Variants in LRRIQ1 observed in about 807,000 individuals in gnomAD.
The protein encoded by LRRIQ1 is leucine rich repeats and IQ motif containing 1.
LRRIQ1 carries 210 observed loss-of-function variants against 211.9 expected under a neutral mutation model. That is an observed-to-expected ratio of 0.99 (90% CI 0.89 to 1.11). LRRIQ1 has a LOEUF of 1.11. Ranked by LOEUF, LRRIQ1 falls within the 50% of genes most tolerant of loss-of-function variation. The probability of loss-of-function intolerance (pLI) is 0.00; values close to 1 mark genes in which losing one functional copy is unlikely to be tolerated. For missense variants in LRRIQ1, 2,136 were observed against 1,939.5 expected (o/e 1.10, Z -1.90); for synonymous variants, 699 against 650.1 (o/e 1.08, Z -1.14).
rs1565928930 is a variant in LRRIQ1, at chr12:85,250,924, A to ATTATATATAATATATT, written c.121+6023_121+6024insAATATATTTTATATAT. On this transcript the variant is annotated intron_variant, in intron 1 of 1. Coordinates refer to the LRRIQ1 transcript ENST00000602731. ...ATATTATATATAATATATTTTATAT[A>ATTATATATAATATATT]TTATATATTATATATAATATATTTT... Among the ~76,000 whole-genome samples the ATTATATATAATATATT allele has an allele frequency of 2.4e-3, 191 of 79,626 alleles. 4 individuals carry two copies. The highest frequency in any genetic ancestry group is 0.011 in the African/African-American group (110 of 9,926). 52.2% of individuals were successfully genotyped at this position (79,626 alleles called of 152,430 possible). A position where few individuals can be genotyped will look rare whatever the true frequency, so the allele number is the denominator to read the frequency against.
intron 26 of LRRIQ1, among the ~76,000 whole-genome samples, chr12:85,238,537 T>G (rs902421934): frequency 2.6e-5 from 4 of 151,920 alleles, no homozygotes; most frequent in African/African-American, 9.7e-5. Context: ...TCACTATCGA[T>G]CACAAATATT....
chr12:85,218,688 T>G (rs1254248134), intron 24 of LRRIQ1, among the ~76,000 whole-genome samples: 1 of 152,048 alleles, frequency 6.6e-6, no homozygotes, highest in African/African-American at 2.4e-5. Context: ...GGACCTCTTG[T>G]AATGGAAAAT....
intron 1 of LRRIQ1, among the ~76,000 whole-genome samples, chr12:85,257,658 TG>T: frequency 6.6e-6 from 1 of 151,864 alleles, no homozygotes. Context: ...TAGTTATCAA[TG>T]GAAAGATGGG....
At chr12:85,066,687 T>G in intron 9 of LRRIQ1, 61 bp from the exon 10 acceptor site, 1 of 1,360,436 alleles carries the variant, frequency 7.4e-7, no homozygotes, top group Non-Finnish European at 1.0e-6. Context: ...TTTTGAAAGC[T>G]TTAAATAGTT....
chr12:85,211,067 T>C (rs1279032956), intron 24 of LRRIQ1, among the ~76,000 whole-genome samples: 1 of 152,220 alleles, frequency 6.6e-6, no homozygotes, highest in African/African-American at 2.4e-5. Flanking sequence ...TCATATTTCT[T>C]CTTGTGCTGT....
intron 24 of LRRIQ1, among the ~76,000 whole-genome samples, chr12:85,206,539 G>A (rs1446314193): frequency 1.3e-5 from 2 of 152,144 alleles, no homozygotes; most frequent in Non-Finnish European, 2.9e-5. Flanking sequence ...AAGTAAAGGG[G>A]AGACAAAGTC....
rs978539176 is a variant in LRRIQ1, at chr12:85,057,159, G to T, written c.2366G>T (p.Cys789Phe). 9 of 1,552,072 alleles carry T rather than the reference G, an allele frequency of 5.8e-6. No homozygotes were observed. The African/African-American group carries it at 1.3e-4, about 22-fold the overall frequency. ...PALDKLEILR[C>F]GPWDTLQQVT... is the part of the protein sequence containing the mutation. ...TTGGATAAACTGGAAATTCTTCGAT[G>T]TGGCCCTTGGGATACTTTACAGCAG... Residue 789 changes from cysteine (C) to phenylalanine (F), a missense_variant, in exon 8 of 27, where the codon TGT (cysteine) becomes TTT (phenylalanine). Physicochemically the swap from Cys to Phe is radical, Grantham distance 205. Transcript: ENST00000393217.
chr12:85,230,410 C>G (rs959024579), intron 25 of LRRIQ1, among the ~76,000 whole-genome samples: 2 of 152,188 alleles, frequency 1.3e-5, no homozygotes, highest in Non-Finnish European at 2.9e-5. Flanking sequence ...TGTATCCTCA[C>G]AAGGATGTGG....
At chr12:85,230,941 C>T (rs922370190) in intron 25 of LRRIQ1, among the ~76,000 whole-genome samples, 1 of 151,522 alleles carries the variant, frequency 6.6e-6, no homozygotes, top group African/African-American at 2.4e-5. Flanking sequence ...CCCAGCTACT[C>T]GGAGGCTGAG....
chr12:85,230,661 T>A (rs777473760), intron 25 of LRRIQ1, among the ~76,000 whole-genome samples: 3 of 152,132 alleles, frequency 2.0e-5, no homozygotes, highest in Non-Finnish European at 4.4e-5. Context: ...GAAATAAAAG[T>A]CCAGAGATGA....
intron 9 of LRRIQ1, among the ~76,000 whole-genome samples, chr12:85,066,532 CAA>C (rs1882448533): frequency 6.6e-6 from 1 of 151,252 alleles, no homozygotes; most frequent in African/African-American, 2.4e-5. Context: ...TATTTTAAAA[CAA>C]TAATATTTAA....
At chr12:85,197,985 TTA>T (rs1475424104) in intron 24 of LRRIQ1, among the ~76,000 whole-genome samples, 8 of 103,386 alleles carry the variant, frequency 7.7e-5, no homozygotes, top group African/African-American at 3.3e-4. Flanking sequence ...TATAATTATA[TTA>T]TATATTATAT....
At chr12:85,100,228 T>G (rs1886243823) in intron 13 of LRRIQ1, among the ~76,000 whole-genome samples, 1 of 151,778 alleles carries the variant, frequency 6.6e-6, no homozygotes, top group African/African-American at 2.4e-5. Context: ...CAAGAAATTT[T>G]TTGACAAGTA....
At chr12:85,256,366 T>A (rs1251293160) in intron 1 of LRRIQ1, among the ~76,000 whole-genome samples, 2 of 151,718 alleles carry the variant, frequency 1.3e-5, no homozygotes, top group Non-Finnish European at 3.0e-5. Context: ...TTGTTTGACT[T>A]GTATTTTTGT....
At chr12:85,255,013 T>C (rs1041138839) in intron 1 of LRRIQ1, among the ~76,000 whole-genome samples, 2 of 151,882 alleles carry the variant, frequency 1.3e-5, no homozygotes, top group African/African-American at 4.8e-5. Context: ...TTTCTATATA[T>C]AGAAATCTTT....
intron 24 of LRRIQ1, among the ~76,000 whole-genome samples, chr12:85,217,919 T>C (rs1258321554): frequency 6.6e-6 from 1 of 150,736 alleles, no homozygotes; most frequent in African/African-American, 2.4e-5. Context: ...GAGCGGGCCC[T>C]AGTTTGGATG....
chr12:85,051,912 A>G (rs2135955991), intron 6 of LRRIQ1, among the ~76,000 whole-genome samples: 1 of 152,278 alleles, frequency 6.6e-6, no homozygotes, highest in East Asian at 1.9e-4. Context: ...CCAATACATT[A>G]TATTCTGTGA....
chr12:85,234,716 C>T (rs1017319291), intron 26 of LRRIQ1, among the ~76,000 whole-genome samples: 1 of 152,036 alleles, frequency 6.6e-6, no homozygotes, highest in Non-Finnish European at 1.5e-5. Flanking sequence ...AAGAAAAAAC[C>T]ACTGCAACTG....
At chr12:85,223,514 A>G (rs925062) in intron 24 of LRRIQ1, among the ~76,000 whole-genome samples, 2,974 of 152,312 alleles carry the variant, frequency 0.02, 97 homozygotes, top group African/African-American at 0.068. Context: ...ATTATTTGTG[A>G]AAAACAAAAT....
Sources: allele counts gnomAD v4.1 joint callset (sites outside exome capture counted in the v4.1 genomes callset), GRCh38; gene constraint gnomAD v4.1.1; transcripts MANE v1.5; gene names NCBI Gene and HGNC (gene_info 2026-07-23, HGNC 2026-07-21).